The following EPHA6 variants were observed in gnomAD, a reference collection of about 807,000 sequenced individuals.
The protein encoded by EPHA6 is ephrin type-A receptor 6.
Under a neutral mutation model 112.0 loss-of-function variants are expected in EPHA6, and 50 were observed. That is an observed-to-expected ratio of 0.45 (90% CI 0.36 to 0.56). The LOEUF (loss-of-function observed/expected upper bound fraction) is 0.56. EPHA6 is among the 20% of genes least tolerant of loss of function. EPHA6 has a pLI of 0.00. For missense variants in EPHA6, 1,280 were observed against 1,417.4 expected (o/e 0.90, Z 1.56); for synonymous variants, 529 against 490.7 (o/e 1.08, Z -1.03).
intron 10 of EPHA6, among the ~76,000 whole-genome samples, chr3:97,487,899 ACAGCCAGGT>A (rs1296370356): frequency 6.6e-6 from 1 of 152,202 alleles, no homozygotes; most frequent in Non-Finnish European, 1.5e-5. Context: ...CCAGGCTAAA[ACAGCCAGGT>A]CAGATTAGGG....
intron 3 of EPHA6, among the ~76,000 whole-genome samples, chr3:97,055,864 A>G (rs2045835586): frequency 6.6e-6 from 1 of 152,216 alleles, no homozygotes; most frequent in Non-Finnish European, 1.5e-5. Context: ...AAGGGCAAGC[A>G]TAGGCACTTT....
intron 2 of EPHA6, among the ~76,000 whole-genome samples, chr3:96,979,385 CT>C (rs751574829): frequency 6.6e-6 from 1 of 152,066 alleles, no homozygotes; most frequent in African/African-American, 2.4e-5. Flanking sequence ...TGAACTCATC[CT>C]TTTTTGTGGC....
chr3:97,585,069 A>T (rs1207364984), intron 11 of EPHA6, among the ~76,000 whole-genome samples: 2 of 152,216 alleles, frequency 1.3e-5, no homozygotes, highest in Non-Finnish European at 2.9e-5. Context: ...TAAAAGTCCA[A>T]GTTCCACTGA....
At chr3:96,832,663 C>T (rs1210760097) in intron 1 of EPHA6, among the ~76,000 whole-genome samples, 1 of 151,956 alleles carries the variant, frequency 6.6e-6, no homozygotes, top group African/African-American at 2.4e-5. Flanking sequence ...CTTCCATACA[C>T]AATTATTATG....
intron 2 of EPHA6, among the ~76,000 whole-genome samples, chr3:96,918,971 T>C (rs2039622510): frequency 6.6e-6 from 1 of 151,994 alleles, no homozygotes; most frequent in African/African-American, 2.4e-5. Flanking sequence ...AATTAGAAAG[T>C]TCATTATTTT....
chr3:97,213,864 T>C (rs1334908421), intron 3 of EPHA6, among the ~76,000 whole-genome samples: 1 of 152,202 alleles, frequency 6.6e-6, no homozygotes, highest in Non-Finnish European at 1.5e-5. Flanking sequence ...AGTATATTTA[T>C]GTAGGTCTAA....
At chr3:97,224,243 T>C (rs920183860) in intron 3 of EPHA6, among the ~76,000 whole-genome samples, 1 of 152,182 alleles carries the variant, frequency 6.6e-6, no homozygotes, top group African/African-American at 2.4e-5. Flanking sequence ...ACAGTGTATT[T>C]AGAAGATCAC....
intron 2 of EPHA6, among the ~76,000 whole-genome samples, chr3:96,921,400 C>A (rs950604024): frequency 6.6e-6 from 1 of 151,868 alleles, no homozygotes; most frequent in Non-Finnish European, 1.5e-5. Context: ...ACATTTAAAT[C>A]ATGCATTTTA....
intron 10 of EPHA6, among the ~76,000 whole-genome samples, chr3:97,522,575 G>C (rs1417604167): frequency 6.6e-6 from 1 of 152,060 alleles, no homozygotes; most frequent in Non-Finnish European, 1.5e-5. Context: ...AATGAGTTTA[G>C]AAGTATTCTC....
chr3:97,596,777 CATATATATATATAT>C lies in EPHA6; in HGVS notation c.2512+4059_2512+4072del, dbSNP rs57541953. 4.6e-4 allele frequency among the ~76,000 whole-genome samples: 49 copies of C among 106,204 alleles called. 1 individual carries two copies. Among genetic ancestry groups the C allele is most frequent in the African/African-American group, 1.7e-3 (47 of 27,816 alleles). 69.7% of individuals were successfully genotyped at this position (106,204 alleles called of 152,430 possible). ...TTTTACTAATGAAGTAACTCATATA[CATATATATATATAT>C]ATATATATATATATATATGGGTTAT... On this transcript the variant is annotated intron_variant, in intron 12 of 17. Transcript: ENST00000389672.
intron 15 of EPHA6, among the ~76,000 whole-genome samples, chr3:97,729,328 G>A (rs1196263605): frequency 6.6e-6 from 1 of 152,006 alleles, no homozygotes; most frequent in African/African-American, 2.4e-5. Context: ...CCAGAGACTG[G>A]GTAATTTATA....
At chr3:97,073,965 T>G (rs2046436846) in intron 3 of EPHA6, among the ~76,000 whole-genome samples, 1 of 152,070 alleles carries the variant, frequency 6.6e-6, no homozygotes, top group South Asian at 2.1e-4. Context: ...GGCCATTTAT[T>G]TTTTTAATAT....
At position 96,814,658 on chromosome 3, in the gene EPHA6, C is replaced by T; in HGVS notation, c.35C>T (p.Ser12Phe). The change falls in exon 1 of 18, where the codon TCC becomes TTC. Residue 12 changes from serine to phenylalanine, a missense_variant. Ser to Phe is a radical substitution (Grantham distance 155, BLOSUM62 -2). This residue lies in a region of EPHA6 where 220 missense variants were observed against 171.5 expected (regional missense o/e 1.28). Transcript: ENST00000389672. Reference sequence around the variant, plus strand: ...CCCTCGCCTCCAGCCGCGAGGAGCTCCCCGGCGCCGCAGGCAGCGTCCTCC... The same window carrying T: ...CCCTCGCCTCCAGCCGCGAGGAGCTTCCCGGCGCCGCAGGCAGCGTCCTCC... ...QFPSPPAARSSPAPQAASSSE... is the reference protein window; with the variant it reads ...QFPSPPAARSFPAPQAASSSE... 2.0e-6 allele frequency: 3 copies of T among 1,479,588 alleles called. No homozygotes were observed. Among genetic ancestry groups the T allele is most frequent in the East Asian group, 2.3e-5 (1 of 42,612 alleles). The allele number at this position is 1,479,588 out of a possible 1,614,324, so 91.7% of individuals were successfully genotyped here.
At chr3:97,182,103 G>A (rs2077004263) in intron 3 of EPHA6, among the ~76,000 whole-genome samples, 1 of 151,988 alleles carries the variant, frequency 6.6e-6, no homozygotes, top group Admixed American at 6.6e-5. Flanking sequence ...TGCCCTTCCA[G>A]AAGCTTTTTA....
intron 5 of EPHA6, among the ~76,000 whole-genome samples, chr3:97,364,954 G>A (rs1242282997): frequency 1.3e-5 from 2 of 152,122 alleles, no homozygotes; most frequent in African/African-American, 2.4e-5. Flanking sequence ...GCTTTAAACA[G>A]AAGAGTCAAG....
chr3:97,556,086 A>T (rs1261383649), intron 11 of EPHA6, among the ~76,000 whole-genome samples: 3 of 151,962 alleles, frequency 2.0e-5, no homozygotes, highest in African/African-American at 7.2e-5. Context: ...CTACATTCTG[A>T]AGCCCACTGA....
At chr3:96,879,264 A>G (rs1434067882) in intron 2 of EPHA6, among the ~76,000 whole-genome samples, 2 of 152,086 alleles carry the variant, frequency 1.3e-5, no homozygotes, top group Non-Finnish European at 2.9e-5. Flanking sequence ...ATAATGCTGG[A>G]TACAAGATCA....
At chr3:97,564,656 G>T (rs1464204794) in intron 11 of EPHA6, among the ~76,000 whole-genome samples, 1 of 151,860 alleles carries the variant, frequency 6.6e-6, no homozygotes, top group Admixed American at 6.6e-5. Context: ...TTCCTAAAAG[G>T]TAAACAACAT....
At chr3:97,417,874 A>C (rs1472929740) in intron 6 of EPHA6, among the ~76,000 whole-genome samples, 1 of 152,178 alleles carries the variant, frequency 6.6e-6, no homozygotes, top group Non-Finnish European at 1.5e-5. Context: ...AAAAGCTCTC[A>C]AAATATAAGA....
Sources: allele counts gnomAD v4.1 joint callset (sites outside exome capture counted in the v4.1 genomes callset), GRCh38; gene constraint gnomAD v4.1.1; regional missense constraint gnomAD v4.1.1; transcripts MANE v1.5; gene names NCBI Gene and HGNC (gene_info 2026-07-23, HGNC 2026-07-21).